Variants in MPPED2 observed in about 807,000 individuals in gnomAD.
MPPED2 encodes the protein metallophosphoesterase MPPED2.
Under a neutral mutation model 33.0 loss-of-function variants are expected in MPPED2, and 5 were observed. The observed-to-expected ratio is 0.15, with a 90% CI of 0.08 to 0.32. The LOEUF (loss-of-function observed/expected upper bound fraction) is 0.32, where lower values mean the gene tolerates loss of function less well. MPPED2 is among the 10% of genes least tolerant of loss of function. The pLI is 1.00. For synonymous variants in MPPED2, 136 were observed against 141.9 expected, an observed-to-expected ratio of 0.96 and a Z score of 0.29; for missense variants, 275 against 372.1, an observed-to-expected ratio of 0.74 and a Z score of 2.15.
chr11:30,491,728 T>C (rs987099045), intron 4 of MPPED2, among the ~76,000 whole-genome samples: 10 of 152,190 alleles, frequency 6.6e-5, no homozygotes, highest in African/African-American at 2.2e-4. Flanking sequence ...AGCACAGAAA[T>C]GCTAATGCAG....
intron 4 of MPPED2, among the ~76,000 whole-genome samples, chr11:30,469,597 A>G (rs1256565315): frequency 6.6e-6 from 1 of 152,200 alleles, no homozygotes; most frequent in African/African-American, 2.4e-5. Flanking sequence ...TCTTGAACCT[A>G]GCCTCCTTTT....
intron 3 of MPPED2, among the ~76,000 whole-genome samples, chr11:30,511,010 T>TTCCC (rs1253658389): frequency 6.6e-6 from 1 of 152,236 alleles, no homozygotes; most frequent in Non-Finnish European, 1.5e-5. Flanking sequence ...TAACTCTCTC[T>TTCCC]TCCCTCACTT....
At chr11:30,529,523 T>TTG (rs35929058) in intron 3 of MPPED2, among the ~76,000 whole-genome samples, 38,280 of 150,184 alleles carry the variant, frequency 0.25, 5,075 homozygotes, top group East Asian at 0.41. Flanking sequence ...CAAAAGATAT[T>TTG]TGTGTGTGTG....
chr11:30,546,989 G>A (rs1361517290), intron 2 of MPPED2, among the ~76,000 whole-genome samples: 2 of 152,294 alleles, frequency 1.3e-5, no homozygotes, highest in African/African-American at 4.8e-5. Flanking sequence ...AAGAACTCAT[G>A]AAAGACTACT....
chr11:30,474,902 C>T (rs1185096421), intron 4 of MPPED2, among the ~76,000 whole-genome samples: 1 of 151,880 alleles, frequency 6.6e-6, no homozygotes, highest in African/African-American at 2.4e-5. Context: ...CTTTGCTGCT[C>T]CAAGATTTCA....
chr11:30,410,708 A>G lies in MPPED2; in HGVS notation c.*760T>C. ...AACGTAGTCATAATACACAAAAAAT[A>G]CTTATATATATAAACCCATATTGAA... On this transcript the variant is annotated 3_prime_UTR_variant, in exon 7 of 7. Coordinates refer to ENST00000358117, the MANE Select transcript of MPPED2 (RefSeq NM_001584.3). 1 of 984,186 alleles carries G rather than the reference A, an allele frequency of 1.0e-6. No homozygotes were observed. Among genetic ancestry groups the G allele is most frequent in the African/African-American group, 1.7e-5 (1 of 57,332 alleles). The allele number at this position is 984,186 out of a possible 1,614,324, so 61.0% of individuals were successfully genotyped here.
intron 1 of MPPED2, 92 bp from the exon 2 acceptor site, chr11:30,580,586 T>C: frequency 7.9e-7 from 1 of 1,262,732 alleles, no homozygotes; most frequent in Non-Finnish European, 1.0e-6. Context: ...ATGAAACTAG[T>C]TCAGGGAAAA....
intron 3 of MPPED2, among the ~76,000 whole-genome samples, chr11:30,499,008 A>G (rs1210681735): frequency 6.6e-6 from 1 of 152,172 alleles, no homozygotes; most frequent in Non-Finnish European, 1.5e-5. Context: ...GTAGATACTC[A>G]TGAACTGAAA....
At chr11:30,415,308 CA>C (rs543739199) in intron 5 of MPPED2, among the ~76,000 whole-genome samples, 2 of 152,236 alleles carry the variant, frequency 1.3e-5, no homozygotes, top group South Asian at 4.1e-4. Flanking sequence ...GGGTCCCCAG[CA>C]AAAATCTATC....
At chr11:30,503,551 T>C (rs1952668163) in intron 3 of MPPED2, among the ~76,000 whole-genome samples, 1 of 152,134 alleles carries the variant, frequency 6.6e-6, no homozygotes, top group South Asian at 2.1e-4. Flanking sequence ...GCTAATTGAT[T>C]ACTATCTCCT....
intron 3 of MPPED2, among the ~76,000 whole-genome samples, chr11:30,516,245 C>G (rs1467098587): frequency 2.0e-5 from 3 of 152,088 alleles, no homozygotes; most frequent in Non-Finnish European, 4.4e-5. Flanking sequence ...TAAGCTCGCT[C>G]CCTTCTAGAA....
chr11:30,530,401 T>C (rs1337654166), intron 3 of MPPED2, among the ~76,000 whole-genome samples: 1 of 152,170 alleles, frequency 6.6e-6, no homozygotes, highest in African/African-American at 2.4e-5. Flanking sequence ...GAACCAGGCA[T>C]ACCAAGAGCA....
At chr11:30,575,550 G>A (rs2134863256) in intron 2 of MPPED2, among the ~76,000 whole-genome samples, 1 of 152,304 alleles carries the variant, frequency 6.6e-6, no homozygotes, top group Admixed American at 6.5e-5. Flanking sequence ...CAGCTACCAT[G>A]TGTATATTGT....
chr11:30,452,393 T>C (rs1288158326), intron 4 of MPPED2, among the ~76,000 whole-genome samples: 1 of 152,238 alleles, frequency 6.6e-6, no homozygotes, highest in South Asian at 2.1e-4. Flanking sequence ...GTGGCACCCA[T>C]ACCTTCTCCA....
chr11:30,565,422 C>A (rs1956403850), intron 2 of MPPED2, among the ~76,000 whole-genome samples: 1 of 152,084 alleles, frequency 6.6e-6, no homozygotes, highest in Non-Finnish European at 1.5e-5. Flanking sequence ...AATTACTAAA[C>A]CATAATTTAC....
At chr11:30,434,769 T>A (rs1181376936) in intron 4 of MPPED2, among the ~76,000 whole-genome samples, 1 of 152,196 alleles carries the variant, frequency 6.6e-6, no homozygotes, top group African/African-American at 2.4e-5. Context: ...CTATTCACCA[T>A]CACTGAAACA....
chr11:30,450,195 C>T (rs2133944635), intron 4 of MPPED2, among the ~76,000 whole-genome samples: 1 of 152,156 alleles, frequency 6.6e-6, no homozygotes, highest in African/African-American at 2.4e-5. Context: ...TTACTTTTTT[C>T]CAAAATATTA....
At chr11:30,425,697 AC>A (rs1948805178) in intron 4 of MPPED2, 1 of 152,172 alleles carries the variant, frequency 6.6e-6, no homozygotes. Context: ...AGGACAAGGT[AC>A]CAGGGTGCCT....
chr11:30,545,290 A>G (rs1314176121), intron 2 of MPPED2, among the ~76,000 whole-genome samples: 1 of 152,220 alleles, frequency 6.6e-6, no homozygotes, highest in Admixed American at 6.5e-5. Context: ...GAATCTAGGT[A>G]TATAGTGACA....
Sources: allele counts gnomAD v4.1 joint callset (sites outside exome capture counted in the v4.1 genomes callset), GRCh38; gene constraint gnomAD v4.1.1; transcripts MANE v1.5; gene names NCBI Gene and HGNC (gene_info 2026-07-23, HGNC 2026-07-21).